Variants in CDKAL1 observed in about 807,000 individuals in gnomAD.
The protein encoded by CDKAL1 is CDKAL1 threonylcarbamoyladenosine tRNA methylthiotransferase, also known as threonylcarbamoyladenosine tRNA methylthiotransferase.
Under a neutral mutation model 68.2 loss-of-function variants are expected in CDKAL1, and 32 were observed. That is an observed-to-expected ratio of 0.47 (90% confidence interval 0.35 to 0.63). The LOEUF is 0.63. CDKAL1 is among the 30% of genes least tolerant of loss of function. The pLI, the probability that CDKAL1 is intolerant of heterozygous loss-of-function variation, is 0.00. For missense variants in CDKAL1, 606 were observed against 696.7 expected, an observed-to-expected ratio of 0.87 and a Z score of 1.47; for synonymous variants, 234 against 244.3, an observed-to-expected ratio of 0.96 and a Z score of 0.39.
chr6:21,041,291 A>G (rs1769910236), intron 11 of CDKAL1, among the ~76,000 whole-genome samples: 1 of 152,224 alleles, frequency 6.6e-6, no homozygotes, highest in Non-Finnish European at 1.5e-5. Context: ...TTAGGCAGTA[A>G]TAGAAAACAT....
chr6:21,010,808 G>T (rs9465947), intron 11 of CDKAL1, among the ~76,000 whole-genome samples: 1 of 152,158 alleles, frequency 6.6e-6, no homozygotes, highest in African/African-American at 2.4e-5. Flanking sequence ...CCAGGGCTGG[G>T]CGCGATGGTT....
At chr6:20,681,126 A>G (rs1770357479) in intron 5 of CDKAL1, among the ~76,000 whole-genome samples, 2 of 152,328 alleles carry the variant, frequency 1.3e-5, no homozygotes, top group East Asian at 1.9e-4. Flanking sequence ...CTGTTGGTCC[A>G]CTTTACCCTA....
chr6:20,751,503 A>G (rs1581507415), intron 6 of CDKAL1, among the ~76,000 whole-genome samples: 2 of 152,350 alleles, frequency 1.3e-5, no homozygotes, highest in Middle Eastern at 6.8e-3. Flanking sequence ...AAACATTTCC[A>G]TCATTGCAGA....
intron 5 of CDKAL1, among the ~76,000 whole-genome samples, chr6:20,700,468 T>A (rs914594333): frequency 5.3e-5 from 8 of 152,148 alleles, no homozygotes; most frequent in Admixed American, 2.0e-4. Context: ...TCTATAAACC[T>A]AGAGAAACAA....
chr6:21,086,927 T>C (rs973521881), intron 12 of CDKAL1, among the ~76,000 whole-genome samples: 2 of 152,234 alleles, frequency 1.3e-5, no homozygotes, highest in African/African-American at 4.8e-5. Flanking sequence ...GTCATTGTCC[T>C]AAAATATTTT....
chr6:20,694,128 G>A (rs1771005926), intron 5 of CDKAL1, among the ~76,000 whole-genome samples: 1 of 151,384 alleles, frequency 6.6e-6, no homozygotes, highest in South Asian at 2.1e-4. Flanking sequence ...TTCTCAGTTT[G>A]TTACTTAACC....
intron 4 of CDKAL1, among the ~76,000 whole-genome samples, chr6:20,645,437 T>G (rs2127755752): frequency 6.6e-6 from 1 of 152,190 alleles, no homozygotes; most frequent in East Asian, 1.9e-4. Context: ...AAAATTAAAT[T>G]TTATTTACTT....
At chr6:21,201,368 G>T (rs1367641115) in intron 15 of CDKAL1, 94 bp downstream of exon 15, 3 of 1,140,688 alleles carry the variant, frequency 2.6e-6, no homozygotes, top group South Asian at 1.7e-5. Flanking sequence ...ATCATTTATA[G>T]TTCCCTTTTT....
chr6:20,735,722 TTGTTATATATTGGCTGTAC>T (rs1344569876), intron 5 of CDKAL1, among the ~76,000 whole-genome samples: 1 of 152,162 alleles, frequency 6.6e-6, no homozygotes, highest in Admixed American at 6.5e-5. Flanking sequence ...TGTCCCTGAG[TTGTTATATATTGGCTGTAC>T]TGTTTTCAAG....
At chr6:20,832,792 A>G (rs929567648) in intron 8 of CDKAL1, among the ~76,000 whole-genome samples, 3 of 152,228 alleles carry the variant, frequency 2.0e-5, no homozygotes, top group South Asian at 2.1e-4. Context: ...ATGGCATATC[A>G]TAAATAACTT....
intron 8 of CDKAL1, among the ~76,000 whole-genome samples, chr6:20,821,756 T>G (rs973772351): frequency 1.3e-5 from 2 of 152,164 alleles, no homozygotes; most frequent in African/African-American, 4.8e-5. Flanking sequence ...GATTTTCTTC[T>G]GGATGTTCTT....
intron 15 of CDKAL1, among the ~76,000 whole-genome samples, chr6:21,206,592 G>GT (rs1227230339): frequency 6.6e-6 from 1 of 151,948 alleles, no homozygotes; most frequent in Admixed American, 6.6e-5. Context: ...TGATTGCAAA[G>GT]TTTTTTTTCA....
At chr6:20,971,401 G>C (rs1765591365) in intron 10 of CDKAL1, among the ~76,000 whole-genome samples, 1 of 152,178 alleles carries the variant, frequency 6.6e-6, no homozygotes, top group South Asian at 2.1e-4. Flanking sequence ...TGATCGGAAA[G>C]ATATTTGCTT....
At chr6:20,667,488 C>T (rs540180965) in intron 5 of CDKAL1, among the ~76,000 whole-genome samples, 1 of 151,960 alleles carries the variant, frequency 6.6e-6, no homozygotes, top group African/African-American at 2.4e-5. Flanking sequence ...TTACACCCCC[C>T]TTCCCTCAAC....
intron 9 of CDKAL1, among the ~76,000 whole-genome samples, chr6:20,885,964 G>A (rs1341795730): frequency 1.3e-5 from 2 of 152,040 alleles, no homozygotes; most frequent in Non-Finnish European, 2.9e-5. Flanking sequence ...CTTGAACCAG[G>A]AGGGAGAGGT....
Position 20,648,022 on chromosome 6 carries a change from C to T in CDKAL1, c.287-1271C>T, listed in dbSNP as rs375276381. On this transcript the variant is annotated intron_variant, in intron 4 of 15. Transcript: ENST00000274695. ...CCCAGGAGACGGAGGTTGCAGTGAG[C>T]GGAGATCATGCCACTGCACTCCAGC... Among the ~76,000 whole-genome samples the T allele has an allele frequency of 6.2e-5, 9 of 144,292 alleles. No individual in the cohort carries two copies. In the East Asian group the frequency reaches 8.3e-4, roughly 13 times the overall value. 94.7% of individuals were successfully genotyped at this position (144,292 alleles called of 152,430 possible). A position where few individuals can be genotyped will look rare whatever the true frequency, so the allele number is the denominator to read the frequency against.
chr6:21,191,488 T>G (rs549049748), intron 13 of CDKAL1, among the ~76,000 whole-genome samples: 30 of 152,324 alleles, frequency 2.0e-4, no homozygotes, highest in Admixed American at 4.6e-4. Flanking sequence ...GTTTCTCTGC[T>G]CAAGGAAAAG....
chr6:20,988,281 A>T (rs1321659447), intron 10 of CDKAL1, among the ~76,000 whole-genome samples: 1 of 150,204 alleles, frequency 6.7e-6, no homozygotes, highest in African/African-American at 2.5e-5. Flanking sequence ...AAAGGATTGG[A>T]TGCTACCCAC....
intron 12 of CDKAL1, among the ~76,000 whole-genome samples, chr6:21,102,074 C>T (rs1773602513): frequency 6.6e-6 from 1 of 152,076 alleles, no homozygotes. Flanking sequence ...TTTGATCATT[C>T]GTCACTGTAT....
Sources: allele counts gnomAD v4.1 joint callset (sites outside exome capture counted in the v4.1 genomes callset), GRCh38; gene constraint gnomAD v4.1.1; transcripts MANE v1.5; gene names NCBI Gene and HGNC (gene_info 2026-07-23, HGNC 2026-07-21).